KCNMB4: variants seen among roughly 807,000 people sequenced by gnomAD.
The protein encoded by KCNMB4 is potassium calcium-activated channel subfamily M regulatory beta subunit 4.
KCNMB4 carries 3 observed loss-of-function variants against 20.7 expected under a neutral mutation model. The ratio of observed to expected loss-of-function variants is 0.14; its 90% CI spans 0.07 to 0.37. The LOEUF is 0.37. Among genes scored for constraint, KCNMB4 ranks in the 10% least tolerant of loss-of-function variants. The pLI is 1.00. For synonymous variants in KCNMB4, 110 were observed against 113.4 expected (o/e 0.97, Z 0.19); for missense variants, 168 against 265.9 (o/e 0.63, Z 2.56).
chr12:70,379,528 C>T (rs955321663), intron 1 of KCNMB4, among the ~76,000 whole-genome samples: 1 of 152,090 alleles, frequency 6.6e-6, no homozygotes, highest in African/African-American at 2.4e-5. Context: ...GCCATCCTCC[C>T]ACCTCAGCCT....
intron 2 of KCNMB4, among the ~76,000 whole-genome samples, chr12:70,405,230 CTA>C (rs1359983385): frequency 6.6e-6 from 1 of 152,096 alleles, no homozygotes; most frequent in East Asian, 1.9e-4. Flanking sequence ...TATTTGCAAA[CTA>C]TATATCTGCT....
At chr12:70,396,593 A>G (rs1654963) in intron 1 of KCNMB4, among the ~76,000 whole-genome samples, 86,558 of 152,110 alleles carry the variant, frequency 0.57, 25,959 homozygotes, top group African/African-American at 0.77. Context: ...GGCGTGAGCC[A>G]TGGTACCTGG....
At chr12:70,378,991 T>G (rs1883737596) in intron 1 of KCNMB4, among the ~76,000 whole-genome samples, 2 of 152,210 alleles carry the variant, frequency 1.3e-5, no homozygotes, top group Non-Finnish European at 2.9e-5. Context: ...ACACTGTCAG[T>G]TAGCAGTAGT....
Position 70,433,669 on chromosome 12 carries a change from A to G in KCNMB4, c.*3016A>G, listed in dbSNP as rs1869425035. Reference sequence around the variant, plus strand: ...ATGAATACTAGAGTTAAAGACAAAAATGATAGCAGCCAATGGCCCATGCCG... The same window carrying G: ...ATGAATACTAGAGTTAAAGACAAAAGTGATAGCAGCCAATGGCCCATGCCG... On this transcript the variant is annotated 3_prime_UTR_variant, in exon 3 of 3. Coordinates refer to ENST00000258111, the MANE Select transcript of KCNMB4 (RefSeq NM_014505.6). The G allele has an allele frequency of 6.6e-6, 1 of 152,294 alleles. No individual in the cohort carries two copies. Among genetic ancestry groups the G allele is most frequent in the Non-Finnish European group, 1.5e-5 (1 of 68,056 alleles). 9.4% of individuals were successfully genotyped at this position (152,294 alleles called of 1,614,324 possible). A position where few individuals can be genotyped will look rare whatever the true frequency, so the allele number is the denominator to read the frequency against.
chr12:70,385,074 A>G (rs1051422292), intron 1 of KCNMB4, among the ~76,000 whole-genome samples: 2 of 152,122 alleles, frequency 1.3e-5, no homozygotes, highest in Non-Finnish European at 2.9e-5. Flanking sequence ...TGGAATAAAT[A>G]CATCTTGGTA....
chr12:70,397,933 C>T (rs771890470), intron 1 of KCNMB4, among the ~76,000 whole-genome samples: 9 of 152,090 alleles, frequency 5.9e-5, no homozygotes, highest in Non-Finnish European at 1.2e-4. Context: ...ATTTCTCCTT[C>T]GTAGAAGAGC....
intron 1 of KCNMB4, among the ~76,000 whole-genome samples, chr12:70,381,038 G>A (rs1375128557): frequency 6.6e-6 from 1 of 150,734 alleles, no homozygotes; most frequent in Non-Finnish European, 1.5e-5. Flanking sequence ...AATGAAGAAT[G>A]CTTACAACAC....
chr12:70,399,325 A>G (rs908133133), intron 1 of KCNMB4, among the ~76,000 whole-genome samples: 2 of 152,208 alleles, frequency 1.3e-5, no homozygotes, highest in African/African-American at 4.8e-5. Context: ...GAATGTGGTA[A>G]GACCACCAGA....
chr12:70,433,406 T>C lies in KCNMB4; in HGVS notation c.*2753T>C, dbSNP rs865817579. 2.2e-4 allele frequency: 33 copies of C among 152,302 alleles called. No homozygotes were observed. Among genetic ancestry groups the C allele is most frequent in the African/African-American group, 7.9e-4 (33 of 41,576 alleles). 9.4% of individuals were successfully genotyped at this position (152,302 alleles called of 1,614,324 possible). A position where few individuals can be genotyped will look rare whatever the true frequency, so the allele number is the denominator to read the frequency against. On this transcript the variant is annotated 3_prime_UTR_variant, in exon 3 of 3. Coordinates refer to ENST00000258111, the MANE Select transcript of KCNMB4 (RefSeq NM_014505.6). Reference sequence around the variant, plus strand: ...CTTAATACCCAAGGGTATTGTTCTTTCCATGGTCAAAGCTGGCTCAAGACT... The same window carrying C: ...CTTAATACCCAAGGGTATTGTTCTTCCCATGGTCAAAGCTGGCTCAAGACT...
At chr12:70,417,870 C>G (rs1868950699) in intron 2 of KCNMB4, among the ~76,000 whole-genome samples, 1 of 152,042 alleles carries the variant, frequency 6.6e-6, no homozygotes, top group Non-Finnish European at 1.5e-5. Context: ...GAAAAAAATC[C>G]AGGTTATTGG....
At chr12:70,389,301 A>G (rs909149251) in intron 1 of KCNMB4, among the ~76,000 whole-genome samples, 10 of 152,006 alleles carry the variant, frequency 6.6e-5, no homozygotes, top group Non-Finnish European at 1.0e-4. Context: ...TATTTTTCCA[A>G]AATTCTCCTG....
intron 1 of KCNMB4, among the ~76,000 whole-genome samples, chr12:70,389,886 T>C (rs1472868656): frequency 6.6e-6 from 1 of 152,194 alleles, no homozygotes; most frequent in Non-Finnish European, 1.5e-5. Flanking sequence ...CTCAAATAGC[T>C]TTCCGAGAAT....
At chr12:70,410,820 A>G (rs1868753002) in intron 2 of KCNMB4, among the ~76,000 whole-genome samples, 1 of 152,220 alleles carries the variant, frequency 6.6e-6, no homozygotes, top group Non-Finnish European at 1.5e-5. Context: ...AGGAAGAAAG[A>G]AGAAATTCTG....
chr12:70,384,983 C>G (rs1324167771), intron 1 of KCNMB4, among the ~76,000 whole-genome samples: 1 of 151,678 alleles, frequency 6.6e-6, no homozygotes, highest in Non-Finnish European at 1.5e-5. Context: ...CACTTAACCT[C>G]TTGATCAAGA....
chr12:70,416,401 A>T (rs1868914366), intron 2 of KCNMB4, among the ~76,000 whole-genome samples: 1 of 152,184 alleles, frequency 6.6e-6, no homozygotes, highest in Admixed American at 6.5e-5. Context: ...CACCAATCTG[A>T]CAGTTATTTA....
At chr12:70,420,267 G>A (rs998600386) in intron 2 of KCNMB4, among the ~76,000 whole-genome samples, 1 of 152,074 alleles carries the variant, frequency 6.6e-6, no homozygotes, top group South Asian at 2.1e-4. Flanking sequence ...TAATCCCGAT[G>A]GATTTATGTT....
At chr12:70,378,247 C>T (rs71454274) in intron 1 of KCNMB4, among the ~76,000 whole-genome samples, 16,903 of 151,966 alleles carry the variant, frequency 0.11, 1,247 homozygotes, top group Non-Finnish European at 0.17. Flanking sequence ...TGAGCCACCG[C>T]GCCCGGCCTT....
At chr12:70,381,864 A>G (rs1883792731) in intron 1 of KCNMB4, among the ~76,000 whole-genome samples, 1 of 152,196 alleles carries the variant, frequency 6.6e-6, no homozygotes, top group Non-Finnish European at 1.5e-5. Context: ...TAATGGGTAA[A>G]TTGGATGGTA....
intron 1 of KCNMB4, among the ~76,000 whole-genome samples, chr12:70,384,873 CAAAAAAAAAA>C (rs57306622): frequency 8.1e-5 from 6 of 74,328 alleles, no homozygotes; most frequent in African/African-American, 1.5e-4. Context: ...GACCCTGTCT[CAAAAAAAAAA>C]AAAAAAAAAA....
Sources: gnomAD v4.1 joint callset for allele counts (sites outside exome capture counted in the v4.1 genomes callset) on GRCh38, gnomAD v4.1.1 for gene constraint, MANE v1.5 for transcripts, NCBI Gene and HGNC (gene_info 2026-07-23, HGNC 2026-07-21) for gene names.